USP53: variants seen among roughly 807,000 people sequenced by gnomAD.
USP53 encodes ubiquitin specific peptidase 53.
USP53 carries 71 observed loss-of-function variants against 94.9 expected under a neutral mutation model. The observed-to-expected ratio is 0.75, with a 90% CI of 0.62 to 0.91. The LOEUF (loss-of-function observed/expected upper bound fraction) is 0.91, where lower values mean the gene tolerates loss of function less well. USP53 is among the 40% of genes least tolerant of loss of function. The pLI is 0.00. For missense variants in USP53, 1,173 were observed against 1,281.0 expected (o/e 0.92, Z 1.29); for synonymous variants, 375 against 422.7 (o/e 0.89, Z 1.39).
In USP53 at chr4:119,267,438, A is replaced by G; in HGVS notation, c.1091A>G (p.Gln364Arg). The G allele has an allele frequency of 6.2e-7, 1 of 1,614,032 alleles. No homozygotes were observed. The highest frequency in any genetic ancestry group is 8.5e-7 in the Non-Finnish European group (1 of 1,179,988). ...TAVSTEDALRQVISWSHYKSV... is the reference protein window; with the variant it reads ...TAVSTEDALRRVISWSHYKSV... ...GTTTCTACTGAGGATGCACTCAGGC[A>G]GGTCATCAGCTGGTCACATTACAAA... The change falls in exon 13 of 19, where the codon CAG becomes CGG. Residue 364 changes from glutamine to arginine, a missense_variant. Transcript: ENST00000692078.
chr4:119,260,734 A>G, intron 11 of USP53, 81 bp downstream of exon 11: 1 of 1,524,872 alleles, frequency 6.6e-7, no homozygotes. Flanking sequence ...TCTGATAACG[A>G]CAAGTTTAAT....
rs757237309 is a variant in USP53, at chr4:119,260,609, G to A, written c.778G>A (p.Glu260Lys). ...GGACTCCGAGCATTCTGACTTGACC[G>A]AAGCTGTTGTTCGGAATCTAGCAAC... is the stretch of plus-strand genomic sequence containing the variant. ...VWDSEHSDLT[E>K]AVVRNLATHL... is the part of the protein sequence containing the mutation. The change falls in exon 11 of 19, where the codon GAA (glutamate) becomes AAA (lysine). Residue 260 changes from glutamate to lysine, a missense_variant. Physicochemically the swap from Glu to Lys is moderately conservative, Grantham distance 56 (BLOSUM62 1). Coordinates refer to ENST00000692078, the MANE Select transcript of USP53 (RefSeq NM_001371395.1). 8.1e-6 allele frequency: 13 copies of A among 1,613,414 alleles called. No homozygotes were observed. In the East Asian group the frequency reaches 1.1e-4, roughly 14 times the overall value.
intron 17 of USP53, among the ~76,000 whole-genome samples, chr4:119,289,818 C>T (rs1349794903): frequency 6.6e-6 from 1 of 152,192 alleles, no homozygotes; most frequent in Non-Finnish European, 1.5e-5. Context: ...GAATCAAAAA[C>T]TGAGATGGTG....
intron 7 of USP53, among the ~76,000 whole-genome samples, chr4:119,250,564 C>A (rs1479712493): frequency 6.6e-6 from 1 of 152,118 alleles, no homozygotes; most frequent in African/African-American, 2.4e-5. Context: ...ATATTTTGAA[C>A]AATGCTAAAC....
chr4:119,284,788 C>T (rs1341228737), intron 17 of USP53, among the ~76,000 whole-genome samples: 2 of 151,714 alleles, frequency 1.3e-5, no homozygotes, highest in Non-Finnish European at 3.0e-5. Context: ...CAATAAAAAA[C>T]CCTTGAAGTA....
At chr4:119,259,751 T>C (rs1053065378) in intron 9 of USP53, 69 bp from the exon 10 acceptor site, 5 of 1,219,750 alleles carry the variant, frequency 4.1e-6, no homozygotes, top group East Asian at 5.0e-5. Flanking sequence ...ACTGACAATA[T>C]TTTTCATGTG....
chr4:119,252,860 C>T (rs554463758), intron 7 of USP53, among the ~76,000 whole-genome samples: 49 of 152,138 alleles, frequency 3.2e-4, no homozygotes, highest in East Asian at 9.7e-4. Flanking sequence ...TGCTTTCTCT[C>T]GTGGGCATTT....
At chr4:119,261,541 T>C (rs1165261137) in intron 11 of USP53, among the ~76,000 whole-genome samples, 174 bp from the exon 12 acceptor site, 1 of 152,190 alleles carries the variant, frequency 6.6e-6, no homozygotes, top group Non-Finnish European at 1.5e-5. Flanking sequence ...TTAAAAGTGG[T>C]AATTCTGTTA....
intron 12 of USP53, among the ~76,000 whole-genome samples, chr4:119,266,001 A>G (rs1376530957): frequency 1.3e-5 from 2 of 152,218 alleles, no homozygotes; most frequent in Non-Finnish European, 2.9e-5. Flanking sequence ...CATCTGCTAG[A>G]AAAATTCTGT....
chr4:119,272,876 A>T (rs189915835), intron 16 of USP53: 3 of 152,316 alleles, frequency 2.0e-5, no homozygotes, highest in Admixed American at 2.0e-4. Context: ...TTCTAAATAC[A>T]TTTATTATAT....
intron 6 of USP53, 51 bp downstream of exon 6, chr4:119,245,480 T>C (rs915903437): frequency 3.2e-6 from 5 of 1,556,270 alleles, no homozygotes; most frequent in Non-Finnish European, 4.4e-6. Context: ...CCTTCAAAAA[T>C]TTAAGTTTGA....
Position 119,271,909 on chromosome 4 carries a change from G to A in USP53, c.2049G>A (p.Arg683=), listed in dbSNP as rs1418786085. The A allele has an allele frequency of 6.2e-7, 1 of 1,614,126 alleles. No homozygotes were observed. Among genetic ancestry groups the A allele is most frequent in the Non-Finnish European group, 8.5e-7 (1 of 1,180,018 alleles). ...KVHGDNWQMQ[R]TESGYESSDH... is the part of the protein sequence containing the mutation. ...ATGGTGATAATTGGCAGATGCAAAG[G>A]ACTGAGTCTGGATATGAAAGCAGTG... Residue 683 remains arginine (R), a synonymous_variant, in exon 16 of 19, where the codon AGG becomes AGA. Coordinates refer to ENST00000692078, the MANE Select transcript of USP53 (RefSeq NM_001371395.1).
At chr4:119,225,567 A>T (rs1745124102) in intron 3 of USP53, among the ~76,000 whole-genome samples, 2 of 152,204 alleles carry the variant, frequency 1.3e-5, no homozygotes, top group South Asian at 4.1e-4. Context: ...TAACACGGTG[A>T]AACCCCATCT....
intron 6 of USP53, among the ~76,000 whole-genome samples, chr4:119,248,482 T>G (rs1304536812): frequency 3.3e-5 from 5 of 150,966 alleles, no homozygotes; most frequent in Non-Finnish European, 7.4e-5. Flanking sequence ...TCTGAAATGC[T>G]CAGGACCAGC....
At chr4:119,271,173 T>G in intron 15 of USP53, 123 bp from the exon 16 acceptor site, 1 of 1,416,476 alleles carries the variant, frequency 7.1e-7, no homozygotes, top group Non-Finnish European at 9.2e-7. Context: ...GTATGTGATA[T>G]GTACTTGTAA....
chr4:119,225,618 C>T (rs906744154), intron 3 of USP53, among the ~76,000 whole-genome samples: 4 of 151,898 alleles, frequency 2.6e-5, no homozygotes, highest in Admixed American at 6.6e-5. Context: ...TGGTGGCGGG[C>T]GCCTGTAGTC....
intron 5 of USP53, among the ~76,000 whole-genome samples, chr4:119,242,562 A>G (rs527962561): frequency 6.6e-6 from 1 of 152,212 alleles, no homozygotes; most frequent in African/African-American, 2.4e-5. Flanking sequence ...GTACACCCCC[A>G]AATACTGGAG....
intron 3 of USP53, among the ~76,000 whole-genome samples, chr4:119,232,162 T>A (rs1449731522): frequency 6.6e-6 from 1 of 152,202 alleles, no homozygotes; most frequent in Non-Finnish European, 1.5e-5. Flanking sequence ...ATTCACCCTT[T>A]AAAAGTGTAA....
intron 17 of USP53, among the ~76,000 whole-genome samples, chr4:119,289,659 G>T (rs1337873358): frequency 6.6e-6 from 1 of 152,196 alleles, no homozygotes; most frequent in South Asian, 2.1e-4. Context: ...AGTAATTAAA[G>T]ATACTTTTGT....
Sources: gnomAD v4.1 joint callset for allele counts (sites outside exome capture counted in the v4.1 genomes callset) on GRCh38, gnomAD v4.1.1 for gene constraint, MANE v1.5 for transcripts, NCBI Gene and HGNC (gene_info 2026-07-23, HGNC 2026-07-21) for gene names.